KDM4C: variants seen among roughly 807,000 people sequenced by gnomAD.
KDM4C encodes the protein lysine demethylase 4C, also known as lysine-specific demethylase 4C.
A neutral mutation model predicts 129.3 loss-of-function variants in KDM4C; 81 were observed. The observed-to-expected ratio is 0.63, with a 90% CI of 0.52 to 0.75. The LOEUF (loss-of-function observed/expected upper bound fraction) is 0.75. KDM4C is among the 30% of genes least tolerant of loss of function. KDM4C has a pLI of 0.00. For synonymous variants in KDM4C, 573 were observed against 456.1 expected, an observed-to-expected ratio of 1.26 and a Z score of -3.26; for missense variants, 1,457 against 1,304.0, an observed-to-expected ratio of 1.12 and a Z score of -1.81.
chr9:6,858,852 T>C (rs1337933456), intron 5 of KDM4C, among the ~76,000 whole-genome samples: 1 of 148,564 alleles, frequency 6.7e-6, no homozygotes, highest in Non-Finnish European at 1.5e-5. Context: ...TGGTATCTCT[T>C]TTTTTTTTTG....
intron 19 of KDM4C, among the ~76,000 whole-genome samples, chr9:7,141,157 G>C (rs1012893368): frequency 1.2e-4 from 19 of 152,122 alleles, no homozygotes; most frequent in African/African-American, 4.6e-4. Flanking sequence ...TTTGGCTCTA[G>C]TGAAAAAGAA....
intron 17 of KDM4C, among the ~76,000 whole-genome samples, chr9:7,079,603 T>C (rs531620215): frequency 6.0e-4 from 91 of 152,320 alleles, no homozygotes; most frequent in African/African-American, 2.1e-3. Context: ...ATTAGAGGCG[T>C]GAGCCACGGC....
At chr9:7,107,356 C>G (rs1434773859) in intron 18 of KDM4C, among the ~76,000 whole-genome samples, 1 of 152,210 alleles carries the variant, frequency 6.6e-6, no homozygotes, top group Non-Finnish European at 1.5e-5. Flanking sequence ...AAATAGTCAG[C>G]TACCTATACA....
intron 1 of KDM4C, among the ~76,000 whole-genome samples, chr9:6,745,377 T>C (rs1205002285): frequency 2.6e-5 from 4 of 152,002 alleles, no homozygotes; most frequent in Non-Finnish European, 5.9e-5. Flanking sequence ...GGCAGGAAGA[T>C]CGCTTGAGCA....
chr9:7,039,422 A>T (rs1385361785), intron 15 of KDM4C, among the ~76,000 whole-genome samples: 1 of 151,960 alleles, frequency 6.6e-6, no homozygotes, highest in Non-Finnish European at 1.5e-5. Flanking sequence ...TAAAAATATA[A>T]TTTGTCATTT....
intron 8 of KDM4C, among the ~76,000 whole-genome samples, chr9:6,934,333 T>A (rs1049225181): frequency 8.5e-5 from 12 of 141,436 alleles, no homozygotes; most frequent in Non-Finnish European, 1.3e-4. Context: ...ATAAAAAAAT[T>A]AGCCGTTTGT....
At chr9:6,775,623 A>G (rs886949447) in intron 1 of KDM4C, among the ~76,000 whole-genome samples, 6 of 151,894 alleles carry the variant, frequency 4.0e-5, no homozygotes, top group Non-Finnish European at 8.8e-5. Flanking sequence ...CGCAGGTTCA[A>G]GCAATTCTTC....
chr9:6,884,545 A>C (rs962392290), intron 6 of KDM4C, among the ~76,000 whole-genome samples: 2 of 152,242 alleles, frequency 1.3e-5, no homozygotes, highest in Non-Finnish European at 2.9e-5. Context: ...AACTTCATCA[A>C]AGCATACTTG....
chr9:6,820,547 T>A (rs1392833734), intron 4 of KDM4C, among the ~76,000 whole-genome samples: 1 of 152,052 alleles, frequency 6.6e-6, no homozygotes, highest in African/African-American at 2.4e-5. Context: ...GGCAAATCTT[T>A]TAAGGAGCAG....
chr9:6,755,541 C>T (rs1319850594), upstream of KDM4C, among the ~76,000 whole-genome samples: 1 of 152,114 alleles, frequency 6.6e-6, no homozygotes, highest in Non-Finnish European at 1.5e-5. Context: ...GAGTAAGACT[C>T]TGTCTCAAAA....
intron 5 of KDM4C, among the ~76,000 whole-genome samples, chr9:6,874,022 C>T (rs565850729): frequency 2.6e-5 from 4 of 152,082 alleles, no homozygotes; most frequent in South Asian, 2.1e-4. Flanking sequence ...ATTATGTTCA[C>T]GCTCTTATGT....
chr9:6,738,560 G>A (rs1425475578), intron 1 of KDM4C, among the ~76,000 whole-genome samples: 6 of 152,080 alleles, frequency 3.9e-5, no homozygotes, highest in African/African-American at 1.4e-4. Flanking sequence ...TCAGCACCCT[G>A]GAGTAGCTGG....
intron 19 of KDM4C, among the ~76,000 whole-genome samples, chr9:7,134,827 G>A (rs779381553): frequency 6.6e-6 from 1 of 152,164 alleles, no homozygotes; most frequent in Non-Finnish European, 1.5e-5. Context: ...GAATAAACCT[G>A]CAGTTATTGG....
intron 8 of KDM4C, among the ~76,000 whole-genome samples, chr9:6,906,796 G>C (rs1589038826): frequency 6.6e-6 from 1 of 151,418 alleles, no homozygotes; most frequent in South Asian, 2.1e-4. Flanking sequence ...GGCATTACAT[G>C]ATTTTTGTAG....
intron 8 of KDM4C, among the ~76,000 whole-genome samples, chr9:6,918,143 A>T (rs1289698139): frequency 6.6e-6 from 1 of 152,142 alleles, no homozygotes; most frequent in Non-Finnish European, 1.5e-5. Flanking sequence ...TAGTACCCAA[A>T]AGGTAGCTTT....
chr9:6,961,900 T>A (rs556156936), intron 8 of KDM4C, among the ~76,000 whole-genome samples: 1 of 152,352 alleles, frequency 6.6e-6, no homozygotes, highest in African/African-American at 2.4e-5. Flanking sequence ...TGAATGCAGT[T>A]TCTGTGTACT....
rs142775208 is a variant in KDM4C, at chr9:6,816,390, T to G, written c.435+1645T>G. ...CGTAGAATTCCCTTACCTGCCCTAT[T>G]ACCTACTATAGGCTCCCCTTTTCCT... On this transcript the variant is annotated intron_variant, in intron 4 of 21. Coordinates refer to ENST00000381309, the MANE Select transcript of KDM4C (RefSeq NM_015061.6). Among the ~76,000 whole-genome samples the G allele has an allele frequency of 2.0e-5, 3 of 152,302 alleles. No individual in the cohort carries two copies. In the East Asian group the frequency reaches 5.8e-4, roughly 29 times the overall value.
intron 18 of KDM4C, 176 bp downstream of exon 18, chr9:7,104,046 A>G: frequency 1.6e-6 from 1 of 606,274 alleles, no homozygotes; most frequent in Non-Finnish European, 2.9e-6. Context: ...GTATTTGCCT[A>G]GGACCTGTCA....
chr9:6,813,560 T>C (rs116276959), intron 3 of KDM4C, among the ~76,000 whole-genome samples: 193 of 152,324 alleles, frequency 1.3e-3, no homozygotes, highest in African/African-American at 4.5e-3. Context: ...GTATGCTTTA[T>C]AGGGATTCTA....
Sources: allele counts gnomAD v4.1 joint callset (sites outside exome capture counted in the v4.1 genomes callset), GRCh38; gene constraint gnomAD v4.1.1; transcripts MANE v1.5; gene names NCBI Gene and HGNC (gene_info 2026-07-23, HGNC 2026-07-21).